Variants in LNX1 observed in about 807,000 individuals in gnomAD.
The protein encoded by LNX1 is ligand of numb-protein X 1.
In LNX1, 54 loss-of-function variants were observed where a neutral mutation model predicts 68.4. That is an observed-to-expected ratio of 0.79 (90% CI 0.63 to 0.99). The LOEUF (loss-of-function observed/expected upper bound fraction) is 0.99. LNX1 is among the 50% of genes least tolerant of loss of function. The probability of loss-of-function intolerance (pLI) is 0.00; values close to 1 mark genes in which losing one functional copy is unlikely to be tolerated. For missense variants in LNX1, 906 were observed against 926.4 expected, an observed-to-expected ratio of 0.98 and a Z score of 0.29; for synonymous variants, 336 against 350.0, an observed-to-expected ratio of 0.96 and a Z score of 0.45.
At chr4:53,492,078 C>A (rs184169968) in intron 6 of LNX1, among the ~76,000 whole-genome samples, 102 of 152,208 alleles carry the variant, frequency 6.7e-4, no homozygotes, top group African/African-American at 2.3e-3. Context: ...TGAGCCACTG[C>A]GCTTGGCTGA....
At chr4:53,523,306 A>G (rs938739510) in intron 2 of LNX1, 4 of 152,220 alleles carry the variant, frequency 2.6e-5, no homozygotes, top group African/African-American at 9.6e-5. Context: ...GAGACAAGGT[A>G]TCACTCTGAA....
intron 2 of LNX1, among the ~76,000 whole-genome samples, chr4:53,571,304 C>T (rs1357286058): frequency 1.3e-5 from 2 of 151,880 alleles, no homozygotes; most frequent in Non-Finnish European, 2.9e-5. Context: ...CAGGTGTGAG[C>T]CTCCATGCCC....
At chr4:53,507,899 T>G (rs180854153) in intron 3 of LNX1, 87 bp downstream of exon 3, 2 of 1,492,776 alleles carry the variant, frequency 1.3e-6, no homozygotes, top group Non-Finnish European at 1.8e-6. Flanking sequence ...TTAAAAAACA[T>G]TTACAGAACT....
intron 6 of LNX1, among the ~76,000 whole-genome samples, chr4:53,484,042 C>T (rs1232517845): frequency 2.0e-5 from 3 of 152,084 alleles, no homozygotes; most frequent in African/African-American, 7.2e-5. Context: ...CTTGTTTGCC[C>T]CTCTACCATG....
chr4:53,503,656 G>A (rs1725657529), intron 4 of LNX1, among the ~76,000 whole-genome samples: 1 of 152,196 alleles, frequency 6.6e-6, no homozygotes, highest in Admixed American at 6.5e-5. Flanking sequence ...TAATTCTTAA[G>A]GGTCCTAGGA....
At chr4:53,473,190 T>C (rs1347936026) in intron 9 of LNX1, among the ~76,000 whole-genome samples, 5 of 152,074 alleles carry the variant, frequency 3.3e-5, no homozygotes, top group African/African-American at 7.2e-5. Flanking sequence ...AATGCAGAGA[T>C]AAGACTTCAA....
intron 6 of LNX1, among the ~76,000 whole-genome samples, chr4:53,492,834 A>G (rs1724796337): frequency 6.6e-6 from 1 of 152,146 alleles, no homozygotes; most frequent in Non-Finnish European, 1.5e-5. Flanking sequence ...AGTTTTGGAC[A>G]TTAAGTTTGA....
chr4:53,518,600 CTA>C (rs1321990274), intron 2 of LNX1, among the ~76,000 whole-genome samples: 4 of 152,128 alleles, frequency 2.6e-5, no homozygotes, highest in African/African-American at 9.7e-5. Flanking sequence ...CATATCATCC[CTA>C]TGAGGAGGGT....
At position 53,468,601 on chromosome 4, in the gene LNX1, A is replaced by C. The variant is rs193066253; in HGVS notation, c.1893-7008T>G. Reference sequence around the variant, plus strand: ...GTGCTGTATTCAGGAAACCCATCTCAAGTGCAGAGACACACATAGGCTCAA... The same window carrying C: ...GTGCTGTATTCAGGAAACCCATCTCCAGTGCAGAGACACACATAGGCTCAA... On this transcript the variant is annotated intron_variant, in intron 9 of 10. Transcript: ENST00000263925. Among the ~76,000 whole-genome samples the C allele has an allele frequency of 4.7e-3, 713 of 152,338 alleles. 8 individuals carry two copies. The highest frequency in any genetic ancestry group is 0.016 in the African/African-American group (674 of 41,564).
At chr4:53,535,856 G>C (rs1404734862) in intron 2 of LNX1, among the ~76,000 whole-genome samples, 1 of 152,168 alleles carries the variant, frequency 6.6e-6, no homozygotes, top group Non-Finnish European at 1.5e-5. Flanking sequence ...GGGACTAACT[G>C]TATGTCTACA....
At chr4:53,552,533 A>T (rs1729583853) in intron 2 of LNX1, among the ~76,000 whole-genome samples, 1 of 152,180 alleles carries the variant, frequency 6.6e-6, no homozygotes. Flanking sequence ...ATTTTTGTTA[A>T]ACTTAAATAT....
At chr4:53,462,825 T>C (rs1329343220) in intron 9 of LNX1, among the ~76,000 whole-genome samples, 1 of 152,160 alleles carries the variant, frequency 6.6e-6, no homozygotes, top group Non-Finnish European at 1.5e-5. Flanking sequence ...TTTCCTATTG[T>C]AAAATATTTA....
chr4:53,616,233 T>C (rs1482404409), intron 2 of LNX1, among the ~76,000 whole-genome samples: 1 of 152,214 alleles, frequency 6.6e-6, no homozygotes, highest in Non-Finnish European at 1.5e-5. Context: ...ACATCTTTTT[T>C]ACTTTTTTTC....
At chr4:53,574,940 A>G (rs564356269) in intron 1 of LNX1, among the ~76,000 whole-genome samples, 1 of 152,078 alleles carries the variant, frequency 6.6e-6, no homozygotes, top group East Asian at 1.9e-4. Flanking sequence ...GGGGCCTTTA[A>G]GCTTTGTTCT....
At chr4:53,631,511 A>G (rs1398589885) in intron 1 of LNX1, among the ~76,000 whole-genome samples, 2 of 152,122 alleles carry the variant, frequency 1.3e-5, no homozygotes, top group Admixed American at 1.3e-4. Flanking sequence ...ACTGATCCCA[A>G]TATAATTCCA....
intron 2 of LNX1, among the ~76,000 whole-genome samples, chr4:53,523,462 T>A (rs1727386041): frequency 6.6e-6 from 1 of 152,152 alleles, no homozygotes; most frequent in African/African-American, 2.4e-5. Context: ...TATTTTTGTA[T>A]TTTTAGTAGA....
At chr4:53,646,254 G>A (rs1336197309) in intron 1 of LNX1, among the ~76,000 whole-genome samples, 1 of 152,130 alleles carries the variant, frequency 6.6e-6, no homozygotes, top group Non-Finnish European at 1.5e-5. Context: ...CAATTGCCAG[G>A]CAGGTATTGG....
intron 2 of LNX1, among the ~76,000 whole-genome samples, chr4:53,607,776 A>G (rs1733291846): frequency 6.6e-6 from 1 of 152,184 alleles, no homozygotes; most frequent in Non-Finnish European, 1.5e-5. Context: ...AAACAGACAC[A>G]TAGACCAACA....
chr4:53,592,227 T>C (rs1732542703), upstream of LNX1, among the ~76,000 whole-genome samples: 1 of 152,080 alleles, frequency 6.6e-6, no homozygotes, highest in Non-Finnish European at 1.5e-5. Flanking sequence ...ATTTAAATGA[T>C]TCAGATTGGA....
Sources: allele counts gnomAD v4.1 joint callset (sites outside exome capture counted in the v4.1 genomes callset), GRCh38; gene constraint gnomAD v4.1.1; transcripts MANE v1.5; gene names NCBI Gene and HGNC (gene_info 2026-07-23, HGNC 2026-07-21).